SDCBP2: variants seen among roughly 807,000 people sequenced by gnomAD.
SDCBP2 encodes syntenin-2.
Under a neutral mutation model 30.7 loss-of-function variants are expected in SDCBP2, and 28 were observed. The observed-to-expected ratio is 0.91, with a 90% CI of 0.68 to 1.25. SDCBP2 has a LOEUF of 1.25. Ranked by LOEUF, SDCBP2 falls within the 50% of genes most tolerant of loss-of-function variation. The pLI is 0.00. For missense variants in SDCBP2, 399 were observed against 379.0 expected (o/e 1.05, Z -0.44); for synonymous variants, 166 against 157.3 (o/e 1.06, Z -0.41).
chr20:1,318,211 G>T lies in SDCBP2; in HGVS notation c.225+107C>A, dbSNP rs762138303. 5.0e-6 allele frequency: 4 copies of T among 793,052 alleles called. No individual in the cohort carries two copies. The African/African-American group carries it at 5.1e-5, about 10-fold the overall frequency. The allele number at this position is 793,052 out of a possible 1,614,324, so 49.1% of individuals were successfully genotyped here. The stretch of plus-strand genomic sequence containing the variant: ...GAGCCAGCAGAGTGCTGGGGAGAGG[G>T]GAGGTCCGAGCACAGAGAGAAAGAA... On this transcript the variant is annotated intron_variant, in intron 4 of 8. Transcript: ENST00000360779.
At chr20:1,327,004 C>T (rs976166291) in intron 1 of SDCBP2, among the ~76,000 whole-genome samples, 44 of 152,174 alleles carry the variant, frequency 2.9e-4, no homozygotes, top group Admixed American at 2.4e-3. Flanking sequence ...GGAGAGAAAC[C>T]ATGGCCCTAA....
At chr20:1,314,661 G>C (rs546178963) in intron 4 of SDCBP2, among the ~76,000 whole-genome samples, 67 of 148,606 alleles carry the variant, frequency 4.5e-4, no homozygotes, top group African/African-American at 1.6e-3. Flanking sequence ...GGGAGACCAA[G>C]GCCGGAGGAC....
intron 2 of SDCBP2, 116 bp from the exon 3 acceptor site, chr20:1,319,775 G>A (rs572602750): frequency 3.3e-5 from 27 of 807,126 alleles, no homozygotes; most frequent in Non-Finnish European, 4.6e-5. Context: ...CCCGGGGTGT[G>A]GGGGGAGTGT....
chr20:1,310,188 T>G lies in SDCBP2; in HGVS notation c.*253A>C. ...AGCGTTTAAACAGCCTGCCTCCGTGTCCAGCATTTAAATCAGCACAAGAGA... is the reference window on the plus strand; with the variant it reads ...AGCGTTTAAACAGCCTGCCTCCGTGGCCAGCATTTAAATCAGCACAAGAGA... On this transcript the variant is annotated 3_prime_UTR_variant, in exon 9 of 9. Transcript: ENST00000360779. 1 of 412,040 alleles carries G rather than the reference T, an allele frequency of 2.4e-6. No individual in the cohort carries two copies. Among genetic ancestry groups the G allele is most frequent in the East Asian group, 3.9e-5 (1 of 25,638 alleles). 25.5% of individuals were successfully genotyped at this position (412,040 alleles called of 1,614,324 possible). A position where few individuals can be genotyped will look rare whatever the true frequency, so the allele number is the denominator to read the frequency against.
rs532090092 is a variant in SDCBP2, at chr20:1,316,168, G to A, written c.225+2150C>T. 3.9e-5 allele frequency among the ~76,000 whole-genome samples: 6 copies of A among 152,258 alleles called. No homozygotes were observed. The South Asian group carries it at 6.2e-4, about 16-fold the overall frequency. On this transcript the variant is annotated intron_variant, in intron 4 of 8. Coordinates refer to ENST00000360779, the MANE Select transcript of SDCBP2 (RefSeq NM_080489.5). ...AAAATATATGAAGAAACATTTTACC[G>A]GAAAGAATATACAGATGGTAATAAG...
intron 1 of SDCBP2, among the ~76,000 whole-genome samples, chr20:1,326,142 AGT>A (rs752822864): frequency 7.9e-5 from 12 of 152,194 alleles, no homozygotes; most frequent in Non-Finnish European, 1.8e-4. Context: ...GTGGGAAGAG[AGT>A]GTGCTATTCC....
Position 1,319,783 on chromosome 20 carries a change from T to C in SDCBP2, c.55-124A>G, listed in dbSNP as rs1028100046. ...GAGTGGGCCCGGGGTGTGGGGGGAG[T>C]GTGCACCAACCCTCAGGGCTCAAGA... On this transcript the variant is annotated intron_variant, in intron 2 of 8. Transcript: ENST00000360779. 6 of 724,612 alleles carry C rather than the reference T, an allele frequency of 8.3e-6. No individual in the cohort carries two copies. The African/African-American group carries it at 9.1e-5, about 11-fold the overall frequency. The allele number at this position is 724,612 out of a possible 1,614,324, so 44.9% of individuals were successfully genotyped here.
In SDCBP2 at chr20:1,324,082, C is replaced by T. The variant is rs2088885323; in HGVS notation, c.-19-3647G>A. On this transcript the variant is annotated intron_variant, in intron 1 of 8. Coordinates refer to ENST00000360779, the MANE Select transcript of SDCBP2 (RefSeq NM_080489.5). This position sits in a 1 kb window ranked among gnomAD's most constrained non-coding sequence, Gnocchi z 4.7. ...TCCTTGGTGTGATGCTCCTTCGAGG[C>T]TCAGTTCAGATGCTACTTCTCTGCT... is the stretch of plus-strand genomic sequence containing the variant. The T allele has an allele frequency of 6.6e-6, 1 of 152,228 alleles. No homozygotes were observed. The highest frequency in any genetic ancestry group is 2.4e-5 in the African/African-American group (1 of 41,442). 9.4% of individuals were successfully genotyped at this position (152,228 alleles called of 1,614,324 possible).
intron 4 of SDCBP2, chr20:1,317,807 G>C (rs1338802769): frequency 1.5e-5 from 4 of 264,968 alleles, no homozygotes; most frequent in African/African-American, 8.9e-5. Flanking sequence ...AGGGATGCTA[G>C]AGCTAACTGG....
intron 3 of SDCBP2, among the ~76,000 whole-genome samples, chr20:1,318,745 G>C (rs1236377896): frequency 2.6e-5 from 4 of 152,180 alleles, no homozygotes; most frequent in African/African-American, 4.8e-5. Flanking sequence ...ATAAGGATTT[G>C]TGTCCTTATA....
At chr20:1,312,026 A>C (rs1260471247) in intron 7 of SDCBP2, among the ~76,000 whole-genome samples, 2 of 150,968 alleles carry the variant, frequency 1.3e-5, no homozygotes, top group African/African-American at 4.9e-5. Flanking sequence ...CAGCCTCCTG[A>C]GTAGCTAGGA....
At chr20:1,312,533 C>G in intron 6 of SDCBP2, 25 bp from the exon 7 acceptor site, 1 of 1,614,076 alleles carries the variant, frequency 6.2e-7, no homozygotes. Context: ...AGTGAGCTGT[C>G]CTGGGGACAT....
At chr20:1,315,299 A>C (rs1262189484) in intron 4 of SDCBP2, among the ~76,000 whole-genome samples, 1 of 152,094 alleles carries the variant, frequency 6.6e-6, no homozygotes, top group Admixed American at 6.5e-5. Context: ...GGAGGACAAC[A>C]CAGGGAGATC....
At position 1,324,507 on chromosome 20, in the gene SDCBP2, T is replaced by C. The variant is rs766929956; in HGVS notation, c.-19-4072A>G. 6.6e-6 allele frequency: 1 copy of C among 152,078 alleles called. No individual in the cohort carries two copies. Among genetic ancestry groups the C allele is most frequent in the Non-Finnish European group, 1.5e-5 (1 of 68,012 alleles). 9.4% of individuals were successfully genotyped at this position (152,078 alleles called of 1,614,324 possible). ...AGTCCATTACAGTCACCATAACAAA[T>C]GGTCCTGTCCCGCACAACTTTCAGA... On this transcript the variant is annotated intron_variant, in intron 1 of 8. Coordinates refer to ENST00000360779, the MANE Select transcript of SDCBP2 (RefSeq NM_080489.5). This position sits in a 1 kb window ranked among gnomAD's most constrained non-coding sequence, Gnocchi z 4.7.
intron 4 of SDCBP2, among the ~76,000 whole-genome samples, chr20:1,315,521 C>T (rs922493833): frequency 2.6e-5 from 4 of 151,642 alleles, no homozygotes; most frequent in Admixed American, 6.6e-5. Context: ...AGAGTGAGAC[C>T]CCATCTCAAA....
rs766673825 is a variant in SDCBP2, at chr20:1,318,405, G to A, written c.138C>T (p.Asn46=). 28 of 1,600,860 alleles carry A rather than the reference G, an allele frequency of 1.7e-5. 1 individual carries two copies. In the Admixed American group the frequency reaches 2.9e-4, roughly 17 times the overall value. ...AISPPPVLYP[N]LAELENYMGL... The stretch of plus-strand genomic sequence containing the variant: ...CCATATAATTTTCCAGTTCTGCCAA[G>A]TTTGGGTACAAAACTGATAGGGAAA... Residue 46 remains asparagine (N), a synonymous_variant, in exon 4 of 9, where the codon AAC becomes AAT. Transcript: ENST00000360779.
rs571299917 is a variant in SDCBP2 at position 1,313,735 on chromosome 20, G to A, written c.226-237C>T. 57 of 1,152,020 alleles carry A rather than the reference G, an allele frequency of 4.9e-5. No homozygotes were observed. In the Admixed American group the frequency reaches 1.7e-3, roughly 35 times the overall value. 71.4% of individuals were successfully genotyped at this position (1,152,020 alleles called of 1,614,324 possible). On this transcript the variant is annotated intron_variant, in intron 4 of 8. Transcript: ENST00000360779. This position sits in a 1 kb window ranked among gnomAD's most constrained non-coding sequence, Gnocchi z 5.2. ...AGGAAAACGGGGAGGGAAGGGGCGA[G>A]GATACAGGAAGAGGCCCTTCATTTC...
chr20:1,325,423 A>C (rs2088907947), intron 1 of SDCBP2: 1 of 152,182 alleles, frequency 6.6e-6, no homozygotes, highest in African/African-American at 2.4e-5. Flanking sequence ...GCGGCTGCAG[A>C]GTGGAACATG....
In SDCBP2 at chr20:1,320,073, G is replaced by A. The variant is rs2088831854; in HGVS notation, c.54+290C>T. Among the ~76,000 whole-genome samples, 1 of 152,098 alleles carries A rather than the reference G, an allele frequency of 6.6e-6. No homozygotes were observed. The highest frequency in any genetic ancestry group is 2.1e-4 in the South Asian group (1 of 4,834). ...CTAGTCTTGTTTCCTCTGAAAGCCT[G>A]CCTTAGAGCATGGAGCCCGCCCATC... On this transcript the variant is annotated intron_variant, in intron 2 of 8. Coordinates refer to ENST00000360779, the MANE Select transcript of SDCBP2 (RefSeq NM_080489.5). The surrounding 1 kb of genome is among the most constrained non-coding windows in gnomAD (Gnocchi z 4.7).
Sources: gnomAD v4.1 joint callset for allele counts (sites outside exome capture counted in the v4.1 genomes callset) on GRCh38, gnomAD v4.1.1 for gene constraint, Gnocchi (gnomAD v3.1) non-coding constraint, MANE v1.5 for transcripts, NCBI Gene and HGNC (gene_info 2026-07-23, HGNC 2026-07-21) for gene names.